MRPL43: variants seen among roughly 807,000 people sequenced by gnomAD.
MRPL43 encodes the protein mitochondrial ribosomal protein L43.
MRPL43 carries 9 observed loss-of-function variants against 12.7 expected under a neutral mutation model. The observed-to-expected ratio is 0.71, with a 90% CI of 0.43 to 1.24. The LOEUF (loss-of-function observed/expected upper bound fraction) is 1.24, where lower values mean the gene tolerates loss of function less well. MRPL43 is among the 50% of genes most tolerant of loss of function. MRPL43 has a pLI of 0.00. For synonymous variants in MRPL43, 116 were observed against 96.4 expected (o/e 1.20, Z -1.19); for missense variants, 211 against 229.2 (o/e 0.92, Z 0.51).
downstream of MRPL43, chr10:100,979,000 T>C (rs763278051): frequency 1.9e-6 from 3 of 1,614,058 alleles, no homozygotes; most frequent in Non-Finnish European, 8.5e-7. Context: ...GTGTGGCCCG[T>C]GTGGCTCGTG....
downstream of MRPL43, chr10:100,979,705 G>C (rs1589989320): frequency 4.3e-6 from 4 of 935,838 alleles, no homozygotes; most frequent in Admixed American, 6.5e-5. Flanking sequence ...AATGAATGCA[G>C]TGGTCCACTG....
downstream of MRPL43, chr10:100,979,053 G>A: frequency 6.2e-7 from 1 of 1,613,258 alleles, no homozygotes; most frequent in South Asian, 1.1e-5. Flanking sequence ...CGGGTATAGA[G>A]GCTGGACCTC....
At chr10:100,977,866 C>T (rs1323295485), downstream of MRPL43, 1 of 718,302 alleles carries the variant, frequency 1.4e-6, no homozygotes, top group Non-Finnish European at 2.4e-6. Context: ...ACAGGGCACT[C>T]CAGTGGCGGC....
downstream of MRPL43, chr10:100,983,884 T>C: frequency 1.3e-6 from 2 of 1,550,276 alleles, no homozygotes; most frequent in Non-Finnish European, 1.7e-6. Flanking sequence ...CTCCAGATCA[T>C]CCCTGGGGAG....
chr10:100,987,359 G>C lies in MRPL43; in HGVS notation c.85C>G (p.Leu29Val). The C allele has an allele frequency of 6.2e-7, 1 of 1,612,630 alleles. No homozygotes were observed. Among genetic ancestry groups the C allele is most frequent in the Non-Finnish European group, 8.5e-7 (1 of 1,179,914 alleles). ...LGRYVQQLQR[L>V]SFSVSRDGAS... ...CCGTCGCGGCTGACGCTGAAGCTCAGACGCTGCAGCTGCTGCACATAGCGA... is the reference window on the plus strand; with the variant it reads ...CCGTCGCGGCTGACGCTGAAGCTCACACGCTGCAGCTGCTGCACATAGCGA... The change falls in exon 1 of 3, where the codon CTG becomes GTG. Residue 29 changes from leucine (L) to valine (V), a missense_variant. Leu to Val is a conservative substitution (Grantham distance 32). Coordinates refer to ENST00000318364, the MANE Select transcript of MRPL43 (RefSeq NM_032112.3).
downstream of MRPL43, chr10:100,979,731 C>T (rs1340699410): frequency 2.5e-6 from 3 of 1,181,416 alleles, no homozygotes; most frequent in African/African-American, 3.0e-5. Flanking sequence ...CAGGAGAGGC[C>T]CTGTGGGACT....
At position 100,987,227 on chromosome 10, in the gene MRPL43, C is replaced by A. The variant is rs112962686; in HGVS notation, c.132-31G>T. The A allele has an allele frequency of 2.3e-4, 375 of 1,613,354 alleles. 7 individuals carry two copies. In the African/African-American group the frequency reaches 3.6e-3, roughly 15 times the overall value. On this transcript the variant is annotated intron_variant, in intron 1 of 2. Coordinates refer to ENST00000318364, the MANE Select transcript of MRPL43 (RefSeq NM_032112.3). ...CGACCCGGGACAGTGAGCAGTATGA[C>A]CCCTGACTGGGGGCGACCTACCCGG...
Position 100,986,641 on chromosome 10 carries a change from C to T in MRPL43, c.*93G>A, listed in dbSNP as rs549615667. The stretch of plus-strand genomic sequence containing the variant: ...CTGTCAACTTGCCCATTGATGGGTT[C>T]CATTTGCCTGGGCTTGGAATCCCAA... On this transcript the variant is annotated 3_prime_UTR_variant, in exon 3 of 3. Transcript: ENST00000318364. 31 of 1,613,806 alleles carry T rather than the reference C, an allele frequency of 1.9e-5. 2 individuals carry two copies. The highest frequency in any genetic ancestry group is 1.3e-4 in the Admixed American group (8 of 60,012).
Position 100,987,483 on chromosome 10 carries a change from G to A in MRPL43, c.-40C>T. On this transcript the variant is annotated 5_prime_UTR_variant, in exon 1 of 3. Coordinates refer to ENST00000318364, the MANE Select transcript of MRPL43 (RefSeq NM_032112.3). ...GGCCGCGGAGCCTAAGCAGCGAGGAGAGGGGGGCGGGACTAAACCTCGAGG... is the reference window on the plus strand; with the variant it reads ...GGCCGCGGAGCCTAAGCAGCGAGGAAAGGGGGGCGGGACTAAACCTCGAGG... 4 of 1,604,164 alleles carry A rather than the reference G, an allele frequency of 2.5e-6. No individual in the cohort carries two copies. Among genetic ancestry groups the A allele is most frequent in the Non-Finnish European group, 3.4e-6 (4 of 1,175,868 alleles).
chr10:100,984,565 C>T, downstream of MRPL43: 1 of 1,536,200 alleles, frequency 6.5e-7, no homozygotes. Flanking sequence ...GGTCCTGAAA[C>T]CAGACAAGAC....
downstream of MRPL43, chr10:100,984,948 G>GT: frequency 4.2e-6 from 6 of 1,414,490 alleles, no homozygotes; most frequent in Non-Finnish European, 4.6e-6. Flanking sequence ...ACACACACCT[G>GT]TATCACACAT....
At chr10:100,980,398 G>A, downstream of MRPL43, 1 of 1,534,758 alleles carries the variant, frequency 6.5e-7, no homozygotes, top group Non-Finnish European at 9.0e-7. Flanking sequence ...TAATGCTTCT[G>A]AATCCATTAA....
chr10:100,984,676 A>T, downstream of MRPL43: 2 of 1,536,208 alleles, frequency 1.3e-6, no homozygotes, highest in Non-Finnish European at 1.7e-6. Context: ...CTCCTGGTGC[A>T]TTCTTGTTTC....
At chr10:100,981,069 A>G, downstream of MRPL43, 1 of 1,598,648 alleles carries the variant, frequency 6.3e-7, no homozygotes, top group Non-Finnish European at 8.6e-7. Context: ...CTACTGGGGG[A>G]GTGCAGGGGC....
downstream of MRPL43, chr10:100,983,935 C>T (rs772968534): frequency 8.7e-6 from 14 of 1,607,864 alleles, no homozygotes; most frequent in African/African-American, 6.7e-5. Flanking sequence ...CCACCGCCAC[C>T]GGCTGAGCTG....
downstream of MRPL43, among the ~76,000 whole-genome samples, chr10:100,983,030 G>A (rs1173443886): frequency 2.0e-5 from 3 of 152,236 alleles, no homozygotes; most frequent in Non-Finnish European, 4.4e-5. Context: ...CTGAGGTAGA[G>A]ATTAGGAGTT....
chr10:100,983,898 G>A (rs1851274273), downstream of MRPL43: 3 of 1,523,294 alleles, frequency 2.0e-6, no homozygotes, highest in African/African-American at 1.4e-5. Context: ...TGGGGAGGGA[G>A]CCCCAGCCCC....
chr10:100,978,070 G>C (rs1850879080), downstream of MRPL43: 6 of 582,024 alleles, frequency 1.0e-5, no homozygotes, highest in South Asian at 1.2e-4. Context: ...GATAAGGAGT[G>C]AATCTCTAGG....
At chr10:100,980,943 G>A, downstream of MRPL43, 1 of 1,610,112 alleles carries the variant, frequency 6.2e-7, no homozygotes, top group Non-Finnish European at 8.5e-7. Context: ...TGGGACCCTG[G>A]CACCCATGCC....
Sources: allele counts gnomAD v4.1 joint callset (sites outside exome capture counted in the v4.1 genomes callset), GRCh38; gene constraint gnomAD v4.1.1; transcripts MANE v1.5; gene names NCBI Gene and HGNC (gene_info 2026-07-23, HGNC 2026-07-21).